Variants in BMP2K observed in about 807,000 individuals in gnomAD.
BMP2K encodes the protein BMP-2-inducible protein kinase.
A neutral mutation model predicts 116.0 loss-of-function variants in BMP2K; 74 were observed. That is an observed-to-expected ratio of 0.64 (90% CI 0.53 to 0.77). The LOEUF (loss-of-function observed/expected upper bound fraction) is 0.77, where lower values mean the gene tolerates loss of function less well. Ranked by LOEUF, BMP2K falls within the 30% of genes least tolerant of loss-of-function variation. The pLI is 0.00. For missense variants in BMP2K, 1,365 were observed against 1,403.6 expected, an observed-to-expected ratio of 0.97 and a Z score of 0.44; for synonymous variants, 486 against 502.5, an observed-to-expected ratio of 0.97 and a Z score of 0.44.
intron 7 of BMP2K, among the ~76,000 whole-genome samples, chr4:78,858,160 G>A (rs750519590): frequency 8.6e-5 from 13 of 151,908 alleles, no homozygotes; most frequent in Non-Finnish European, 1.3e-4. Flanking sequence ...TGTGAATTAG[G>A]TAGGTTTCGT....
chr4:78,867,816 T>G (rs1448458520), intron 10 of BMP2K, among the ~76,000 whole-genome samples: 1 of 152,126 alleles, frequency 6.6e-6, no homozygotes, highest in Non-Finnish European at 1.5e-5. Context: ...TCCCAACACT[T>G]TGAGAGGCCG....
At chr4:78,861,328 A>G (rs917118290) in intron 8 of BMP2K, 61 bp from the exon 9 acceptor site, 6 of 1,385,814 alleles carry the variant, frequency 4.3e-6, no homozygotes, top group Non-Finnish European at 5.9e-6. Context: ...ATAGCTTACA[A>G]AAACTTTCTG....
At position 78,776,545 on chromosome 4, in the gene BMP2K, TGAA is replaced by T. The variant is rs1727245432; in HGVS notation, c.7_9del (p.Lys3?). 3.5e-6 allele frequency: 4 copies of T among 1,143,818 alleles called. No individual in the cohort carries two copies. The highest frequency in any genetic ancestry group is 1.6e-5 in the African/African-American group (1 of 60,752). The allele number at this position is 1,143,818 out of a possible 1,614,324, so 70.9% of individuals were successfully genotyped here. On this transcript the variant is annotated start_lost and inframe_deletion, in exon 1 of 16. Transcript: ENST00000502613. Reference sequence around the variant, plus strand: ...GCCCTCCAGCTCGCCGGCGGGACCATGAAGAAGTTCTCTCGGATGCCCAAGTCG... The same window carrying T: ...GCCCTCCAGCTCGCCGGCGGGACCATGAAGTTCTCTCGGATGCCCAAGTCG...
intron 7 of BMP2K, among the ~76,000 whole-genome samples, chr4:78,853,623 A>G (rs28501992): frequency 0.12 from 18,658 of 152,100 alleles, 3,773 homozygotes; most frequent in African/African-American, 0.42. Context: ...AGGTGATTAA[A>G]GAAGTACATT....
At chr4:78,882,593 A>G (rs1374354551) in intron 14 of BMP2K, among the ~76,000 whole-genome samples, 1 of 151,956 alleles carries the variant, frequency 6.6e-6, no homozygotes, top group Non-Finnish European at 1.5e-5. Context: ...AACAGTAATT[A>G]GAACATAGAT....
intron 1 of BMP2K, among the ~76,000 whole-genome samples, chr4:78,795,894 G>A (rs1216236293): frequency 1.3e-5 from 2 of 151,802 alleles, no homozygotes; most frequent in Non-Finnish European, 2.9e-5. Context: ...GGAAACAACA[G>A]GTGCTGGAGA....
At chr4:78,895,169 T>C (rs2033062) in intron 15 of BMP2K, among the ~76,000 whole-genome samples, 20,290 of 152,182 alleles carry the variant, frequency 0.13, 2,503 homozygotes, top group African/African-American at 0.33. Flanking sequence ...ATCACATGCT[T>C]TTAAAAAAAT....
intron 1 of BMP2K, 32 bp downstream of exon 1, chr4:78,776,753 G>A (rs973629546): frequency 2.6e-5 from 33 of 1,253,096 alleles, no homozygotes; most frequent in Non-Finnish European, 3.3e-5. Flanking sequence ...CGGACAGGCA[G>A]GTGAGGGAGG....
chr4:78,786,429 G>A (rs1209429233), intron 1 of BMP2K, among the ~76,000 whole-genome samples: 2 of 151,528 alleles, frequency 1.3e-5, no homozygotes, highest in Non-Finnish European at 2.9e-5. Context: ...GTGTGTGTGT[G>A]TGTGTGTGTG....
intron 1 of BMP2K, among the ~76,000 whole-genome samples, chr4:78,780,671 C>T (rs1209929404): frequency 2.0e-5 from 3 of 152,184 alleles, no homozygotes; most frequent in Non-Finnish European, 1.5e-5. Flanking sequence ...ACTGTTACTA[C>T]TACACAACTT....
intron 15 of BMP2K, among the ~76,000 whole-genome samples, chr4:78,902,151 C>G (rs1734039783): frequency 6.6e-6 from 1 of 152,102 alleles, no homozygotes; most frequent in Non-Finnish European, 1.5e-5. Context: ...CTGAATTCCA[C>G]TGTATACATA....
chr4:78,798,590 GC>G (rs1320630801), intron 1 of BMP2K, among the ~76,000 whole-genome samples: 1 of 152,198 alleles, frequency 6.6e-6, no homozygotes, highest in East Asian at 1.9e-4. Context: ...TTTAGGATGG[GC>G]AGTATTCTTT....
At chr4:78,910,486 T>C in intron 15 of BMP2K, 124 bp from the exon 16 acceptor site, 2 of 811,446 alleles carry the variant, frequency 2.5e-6, no homozygotes, top group Non-Finnish European at 3.7e-6. Context: ...ACAACATTAT[T>C]TTTTCCTCTA....
intron 13 of BMP2K, among the ~76,000 whole-genome samples, chr4:78,878,336 A>G (rs1253674319): frequency 2.0e-5 from 3 of 152,162 alleles, no homozygotes; most frequent in Non-Finnish European, 2.9e-5. Context: ...AGTCTTGTTT[A>G]CTATGATAAT....
chr4:78,915,289 G>T lies in BMP2K; in HGVS notation c.*3256G>T, dbSNP rs990404093. ...AAGGTGGAGCCCACTCTTCTATGCT[G>T]AAGTTCACCAGGCAGAGCAGTTTTC... On this transcript the variant is annotated 3_prime_UTR_variant, in exon 16 of 16. Transcript: ENST00000502613. 1 of 151,982 alleles carries T rather than the reference G, an allele frequency of 6.6e-6. No individual in the cohort carries two copies. The highest frequency in any genetic ancestry group is 1.5e-5 in the Non-Finnish European group (1 of 67,918). 9.4% of individuals were successfully genotyped at this position (151,982 alleles called of 1,614,324 possible).
chr4:78,832,734 A>G (rs1730270087), intron 2 of BMP2K, among the ~76,000 whole-genome samples: 1 of 152,130 alleles, frequency 6.6e-6, no homozygotes, highest in Middle Eastern at 3.4e-3. Flanking sequence ...GTGCTTTTGA[A>G]CATTTTTTAG....
chr4:78,859,384 T>C (rs897305670), intron 7 of BMP2K, 200 bp from the exon 8 acceptor site: 10 of 402,248 alleles, frequency 2.5e-5, no homozygotes, highest in East Asian at 7.7e-5. Context: ...CTGTGATTGA[T>C]CTACCCTTAG....
intron 13 of BMP2K, among the ~76,000 whole-genome samples, chr4:78,876,444 T>C (rs1046479174): frequency 4.6e-5 from 7 of 152,234 alleles, no homozygotes; most frequent in Non-Finnish European, 8.8e-5. Context: ...TACTTGTAGG[T>C]AACTTACTAT....
In BMP2K at chr4:78,865,576, C is replaced by T; in HGVS notation, c.1087C>T (p.Pro363Ser). 7.4e-6 allele frequency: 12 copies of T among 1,613,902 alleles called. No individual in the cohort carries two copies. The highest frequency in any genetic ancestry group is 1.0e-5 in the Non-Finnish European group (12 of 1,179,874). The change falls in exon 10 of 16, where the codon CCA (proline) becomes TCA (serine). Residue 363 changes from proline (P) to serine (S), a missense_variant. Physicochemically the swap from Pro to Ser is moderately conservative, Grantham distance 74. This residue lies in a region of BMP2K where 762 missense variants were observed against 756.7 expected (regional missense o/e 1.01). Transcript: ENST00000502613. ...TTGTAGAATAACAGATACCATTGGA[C>T]CAACAGAAACCTCAATTGCACCAAG... ...IKARITDTIG[P>S]TETSIAPRQR...
Sources: allele counts gnomAD v4.1 joint callset (sites outside exome capture counted in the v4.1 genomes callset), GRCh38; gene constraint gnomAD v4.1.1; regional missense constraint gnomAD v4.1.1; transcripts MANE v1.5; gene names NCBI Gene and HGNC (gene_info 2026-07-23, HGNC 2026-07-21).